MRTFB: variants seen among roughly 807,000 people sequenced by gnomAD.
MRTFB encodes myocardin-related transcription factor B.
A neutral mutation model predicts 104.2 loss-of-function variants in MRTFB; 29 were observed. The ratio of observed to expected loss-of-function variants is 0.28; its 90% CI spans 0.21 to 0.38. The LOEUF (loss-of-function observed/expected upper bound fraction) is 0.38, where lower values mean the gene tolerates loss of function less well. Among genes scored for constraint, MRTFB ranks in the 10% least tolerant of loss-of-function variants. The probability of loss-of-function intolerance (pLI) is 1.00; values close to 1 mark genes in which losing one functional copy is unlikely to be tolerated. For synonymous variants in MRTFB, 535 were observed against 519.5 expected (o/e 1.03, Z -0.41); for missense variants, 1,270 against 1,341.6 (o/e 0.95, Z 0.83).
At chr16:14,228,280 C>T (rs1436496768) in intron 8 of MRTFB, among the ~76,000 whole-genome samples, 1 of 152,082 alleles carries the variant, frequency 6.6e-6, no homozygotes, top group African/African-American at 2.4e-5. Flanking sequence ...TGGGTATATG[C>T]CCAAAAGAAA....
In MRTFB at chr16:14,177,903, G is replaced by GGGGTGT. The variant is rs1555495148; in HGVS notation, c.155-32339_155-32338insGGTGTG. Among the ~76,000 whole-genome samples the GGGGTGT allele has an allele frequency of 1.8e-4, 26 of 146,072 alleles. No individual in the cohort carries two copies. The highest frequency in any genetic ancestry group is 6.7e-4 in the South Asian group (3 of 4,510). The stretch of plus-strand genomic sequence containing the variant: ...CGAGAAGTACATGAACCAGAGGTAG[G>GGGGTGT]GTGTGTGTGTGTGTGTGTGTGTGTG... On this transcript the variant is annotated intron_variant, in intron 3 of 16. Transcript: ENST00000571589. The surrounding 1 kb of genome is among the most constrained non-coding windows in gnomAD (Gnocchi z 4.7).
intron 3 of MRTFB, among the ~76,000 whole-genome samples, chr16:14,159,581 A>G (rs947723829): frequency 5.3e-5 from 8 of 152,184 alleles, no homozygotes; most frequent in African/African-American, 9.7e-5. Context: ...TAGGGCAACA[A>G]TCTTTATTAC....
chr16:14,139,107 A>T (rs888270264), intron 2 of MRTFB, among the ~76,000 whole-genome samples: 1 of 152,256 alleles, frequency 6.6e-6, no homozygotes, highest in African/African-American at 2.4e-5. Context: ...AATACTCTCC[A>T]TAAAACACTA....
chr16:14,118,314 C>CT (rs900641017), intron 2 of MRTFB, among the ~76,000 whole-genome samples: 7 of 150,886 alleles, frequency 4.6e-5, no homozygotes, highest in African/African-American at 9.7e-5. Context: ...TTTTTGTATT[C>CT]TTTTTTTTAT....
the MRTFB span, among the ~76,000 whole-genome samples, chr16:14,038,935 T>G: frequency 6.6e-6 from 1 of 152,140 alleles, no homozygotes. Context: ...GAGAACCAAC[T>G]GAAAGGCGAC....
At chr16:14,210,569 C>G (rs1340288790) in intron 4 of MRTFB, among the ~76,000 whole-genome samples, 2 of 152,138 alleles carry the variant, frequency 1.3e-5, no homozygotes, top group African/African-American at 4.8e-5. Flanking sequence ...AACATTCATT[C>G]TTTCTTTAAA....
At chr16:14,045,718 T>C in the MRTFB span, among the ~76,000 whole-genome samples, 1 of 152,216 alleles carries the variant, frequency 6.6e-6, no homozygotes, top group Non-Finnish European at 1.5e-5. Context: ...AAAATGGAAA[T>C]GACATTAACC....
At chr16:14,079,909 T>C (rs147351951) in intron 2 of MRTFB, among the ~76,000 whole-genome samples, 1,604 of 152,310 alleles carry the variant, frequency 0.011, 18 homozygotes, top group Middle Eastern at 0.031. Flanking sequence ...AGAATTTATA[T>C]ACAAAATTTT....
chr16:14,155,190 C>T (rs942993693), intron 3 of MRTFB, among the ~76,000 whole-genome samples: 4 of 151,782 alleles, frequency 2.6e-5, no homozygotes, highest in Non-Finnish European at 4.4e-5. Flanking sequence ...TTTACAGTGC[C>T]TTATTAGATA....
chr16:14,029,415 A>AT, the MRTFB span, among the ~76,000 whole-genome samples: 31 of 67,898 alleles, frequency 4.6e-4, no homozygotes, highest in African/African-American at 1.1e-3. Context: ...TAAAAAAAAA[A>AT]AAAAATATAT....
intron 2 of MRTFB, among the ~76,000 whole-genome samples, chr16:14,128,079 C>T (rs1361608196): frequency 3.3e-5 from 5 of 151,414 alleles, no homozygotes; most frequent in East Asian, 1.9e-4. Flanking sequence ...TCAAGGCTGC[C>T]GAGCAAGGAG....
intron 13 of MRTFB, among the ~76,000 whole-genome samples, chr16:14,250,568 AAAATTGAGTGTGACCAC>A (rs2043211519): frequency 6.6e-6 from 1 of 152,226 alleles, no homozygotes. Context: ...AAGAAACTGG[AAAATTGAGTGTGACCAC>A]AGCAGGTTGA....
intron 15 of MRTFB, 60 bp downstream of exon 15, chr16:14,252,562 C>G: frequency 1.3e-6 from 2 of 1,594,666 alleles, no homozygotes; most frequent in African/African-American, 1.3e-5. Flanking sequence ...CGTTCAGTCT[C>G]GAGCAGACCT....
the MRTFB span, among the ~76,000 whole-genome samples, chr16:14,003,294 C>A: frequency 6.6e-6 from 1 of 152,288 alleles, no homozygotes; most frequent in South Asian, 2.1e-4. Context: ...CCCTTTCAGG[C>A]ACAGGGAGAA....
At chr16:14,236,131 A>T (rs2042492089) in intron 9 of MRTFB, among the ~76,000 whole-genome samples, 1 of 149,146 alleles carries the variant, frequency 6.7e-6, no homozygotes, top group Admixed American at 6.6e-5. Context: ...CAGTGAGCTG[A>T]GATCATGTGC....
At chr16:14,017,593 GTATATATATA>G in the MRTFB span, among the ~76,000 whole-genome samples, 1,215 of 58,758 alleles carry the variant, frequency 0.021, 24 homozygotes, top group Middle Eastern at 0.031. Context: ...ACTGACTACA[GTATATATATA>G]TATATATATA....
the MRTFB span, among the ~76,000 whole-genome samples, chr16:14,022,770 G>A: frequency 1.7e-5 from 2 of 116,312 alleles, no homozygotes; most frequent in South Asian, 5.3e-4. Context: ...TTTTTTTTGA[G>A]ACAAGGTCTC....
chr16:14,136,528 T>A, intron 2 of MRTFB, among the ~76,000 whole-genome samples: 1 of 152,088 alleles, frequency 6.6e-6, no homozygotes, highest in Admixed American at 6.6e-5. Flanking sequence ...CAACAACCCC[T>A]ACCCATCAGG....
At chr16:14,200,813 G>A in intron 3 of MRTFB, 2 of 1,468,434 alleles carry the variant, frequency 1.4e-6, no homozygotes, top group Non-Finnish European at 1.9e-6. Context: ...AGTAAAAAGT[G>A]GTTGGCGGTG....
Sources: allele counts gnomAD v4.1 joint callset (sites outside exome capture counted in the v4.1 genomes callset), GRCh38; gene constraint gnomAD v4.1.1; non-coding constraint Gnocchi (gnomAD v3.1); transcripts MANE v1.5; gene names NCBI Gene and HGNC (gene_info 2026-07-23, HGNC 2026-07-21).